Variants in SCNN1B observed in about 807,000 individuals in gnomAD.
SCNN1B encodes the protein epithelial sodium channel subunit beta.
In SCNN1B, 46 loss-of-function variants were observed where a neutral mutation model predicts 65.3. The observed-to-expected ratio is 0.70, with a 90% CI of 0.56 to 0.90. SCNN1B has a LOEUF of 0.90. Ranked by LOEUF, SCNN1B falls within the 40% of genes least tolerant of loss-of-function variation. The probability of loss-of-function intolerance (pLI) is 0.00; values close to 1 mark genes in which losing one functional copy is unlikely to be tolerated. For missense variants in SCNN1B, 751 were observed against 830.5 expected, an observed-to-expected ratio of 0.90 and a Z score of 1.18; for synonymous variants, 349 against 330.6, an observed-to-expected ratio of 1.06 and a Z score of -0.60.
At chr16:23,337,942 C>T (rs890543953) in intron 1 of SCNN1B, among the ~76,000 whole-genome samples, 21 of 151,938 alleles carry the variant, frequency 1.4e-4, no homozygotes, top group Admixed American at 1.2e-3. Context: ...CCGGGTGGCA[C>T]GCACCTGTAG....
rs964225848 is a variant in SCNN1B, at chr16:23,376,001, T to C, written c.1270+146T>C. 2.0e-5 allele frequency: 13 copies of C among 636,800 alleles called. No homozygotes were observed. In the African/African-American group the frequency reaches 2.3e-4, roughly 11 times the overall value. The allele number at this position is 636,800 out of a possible 1,614,324, so 39.4% of individuals were successfully genotyped here. Reference sequence around the variant, plus strand: ...CCTCCACAGTCTGAGGTCCCTCCTATGATCCCCTCCCAGGCCTCCTTTCTG... The same window carrying C: ...CCTCCACAGTCTGAGGTCCCTCCTACGATCCCCTCCCAGGCCTCCTTTCTG... On this transcript the variant is annotated intron_variant, in intron 8 of 12. Coordinates refer to ENST00000343070, the MANE Select transcript of SCNN1B (RefSeq NM_000336.3).
chr16:23,368,430 T>A (rs527650433), intron 5 of SCNN1B, among the ~76,000 whole-genome samples: 2 of 152,212 alleles, frequency 1.3e-5, no homozygotes, highest in South Asian at 4.1e-4. Flanking sequence ...TAGTCCCAGC[T>A]ACTCAGGAGG....
At chr16:23,350,247 C>G (rs1284158162) in intron 2 of SCNN1B, among the ~76,000 whole-genome samples, 1 of 152,112 alleles carries the variant, frequency 6.6e-6, no homozygotes, top group Non-Finnish European at 1.5e-5. Flanking sequence ...GATGGAGGTT[C>G]AGAGAAGTAA....
At chr16:23,291,845 T>A (rs1225406402) in intron 2 of SCNN1B, among the ~76,000 whole-genome samples, 2 of 151,754 alleles carry the variant, frequency 1.3e-5, no homozygotes, top group Admixed American at 1.3e-4. Context: ...CCTCCCAAAG[T>A]GCTGGGTTTA....
chr16:23,324,821 A>G (rs1163358365), intron 1 of SCNN1B, among the ~76,000 whole-genome samples: 1 of 152,136 alleles, frequency 6.6e-6, no homozygotes, highest in African/African-American at 2.4e-5. Context: ...GCTGGCTGTC[A>G]ACACACACCA....
intron 4 of SCNN1B, among the ~76,000 whole-genome samples, chr16:23,365,620 A>AGAAAGAAAGAGAGAGAAAGAAAG (rs11399911): frequency 1.2e-5 from 1 of 80,418 alleles, no homozygotes; most frequent in Non-Finnish European, 2.8e-5. Flanking sequence ...AAAGAAAGAA[A>AGAAAGAAAGAGAGAGAAAGAAAG]AAAGAAAGAA....
intron 1 of SCNN1B, among the ~76,000 whole-genome samples, chr16:23,304,262 C>CACACATACACAT (rs2141978554): frequency 6.6e-6 from 1 of 152,128 alleles, no homozygotes; most frequent in African/African-American, 2.4e-5. Flanking sequence ...TGCACACACA[C>CACACATACACAT]ACATGCACAC....
chr16:23,365,585 AAG>A (rs141991774), intron 4 of SCNN1B, among the ~76,000 whole-genome samples: 18,651 of 62,982 alleles, frequency 0.3, 2,956 homozygotes, highest in African/African-American at 0.57. Context: ...GAAAGAAAGA[AAG>A]AGAAAGAAAG....
chr16:23,351,106 C>T (rs1277090411), intron 2 of SCNN1B, among the ~76,000 whole-genome samples: 1 of 152,102 alleles, frequency 6.6e-6, no homozygotes, highest in Non-Finnish European at 1.5e-5. Flanking sequence ...GGAATTCTCA[C>T]ATAGTGATTA....
intron 5 of SCNN1B, 77 bp downstream of exon 5, chr16:23,368,036 G>A (rs1962708040): frequency 2.6e-6 from 3 of 1,152,036 alleles, no homozygotes; most frequent in Non-Finnish European, 3.9e-6. Flanking sequence ...AAGACCATCA[G>A]CTGTTGCAGG....
chr16:23,367,713 C>A lies in SCNN1B; in HGVS notation c.777-143C>A, dbSNP rs187285355. The A allele has an allele frequency of 1.3e-3, 999 of 745,166 alleles. 6 individuals carry two copies. The highest frequency in any genetic ancestry group is 9.3e-3 in the Middle Eastern group (35 of 3,744). The allele number at this position is 745,166 out of a possible 1,614,324, so 46.2% of individuals were successfully genotyped here. A position where few individuals can be genotyped will look rare whatever the true frequency, so the allele number is the denominator to read the frequency against. On this transcript the variant is annotated intron_variant, in intron 4 of 12. Transcript: ENST00000343070. ...CTGGGAATCTCCCCTCTGGTTTGGA[C>A]CAGAGGATGGACAGAATGACCTGTT...
chr16:23,375,370 C>T (rs530372755), intron 7 of SCNN1B, among the ~76,000 whole-genome samples: 11 of 152,220 alleles, frequency 7.2e-5, no homozygotes, highest in South Asian at 2.1e-4. Context: ...GGTGCTTGGA[C>T]GGAGGCTGGC....
intron 1 of SCNN1B, among the ~76,000 whole-genome samples, chr16:23,336,561 G>A (rs898852862): frequency 4.0e-5 from 6 of 151,820 alleles, no homozygotes; most frequent in Admixed American, 2.6e-4. Flanking sequence ...TAGTAGAGAC[G>A]GGGTTTCACC....
intron 1 of SCNN1B, among the ~76,000 whole-genome samples, chr16:23,304,947 G>A (rs1961162917): frequency 6.6e-6 from 1 of 152,160 alleles, no homozygotes; most frequent in Non-Finnish European, 1.5e-5. Flanking sequence ...TCAGTAAGCA[G>A]GAAGTCTTTT....
chr16:23,278,944 A>G (rs555878001), intron 1 of SCNN1B, among the ~76,000 whole-genome samples: 1 of 152,168 alleles, frequency 6.6e-6, no homozygotes, highest in East Asian at 1.9e-4. Flanking sequence ...TGCCTCTAAA[A>G]AAATAAAAAA....
chr16:23,360,853 G>A (rs1294840267), intron 4 of SCNN1B, among the ~76,000 whole-genome samples: 1 of 151,924 alleles, frequency 6.6e-6, no homozygotes, highest in African/African-American at 2.4e-5. Flanking sequence ...GGAGTACAGT[G>A]GCACTATCTC....
At chr16:23,343,651 AAAAG>A (rs1410908625) in intron 1 of SCNN1B, among the ~76,000 whole-genome samples, 1 of 91,132 alleles carries the variant, frequency 1.1e-5, no homozygotes, top group African/African-American at 4.8e-5. Context: ...AAGAAAGAAA[AAAAG>A]AAAGGAAGGA....
At chr16:23,281,456 G>C (rs61660949) in intron 1 of SCNN1B, among the ~76,000 whole-genome samples, 6,733 of 152,002 alleles carry the variant, frequency 0.044, 499 homozygotes, top group African/African-American at 0.15. Flanking sequence ...AAACAAAAAC[G>C]ATGGAATAAG....
At chr16:23,298,809 C>T (rs547249317), upstream of SCNN1B, among the ~76,000 whole-genome samples, 2 of 152,304 alleles carry the variant, frequency 1.3e-5, no homozygotes, top group Admixed American at 6.5e-5. Flanking sequence ...TGCCTTAAAA[C>T]TTGCCAGCCT....
Sources: allele counts gnomAD v4.1 joint callset (sites outside exome capture counted in the v4.1 genomes callset), GRCh38; gene constraint gnomAD v4.1.1; transcripts MANE v1.5; gene names NCBI Gene and HGNC (gene_info 2026-07-23, HGNC 2026-07-21).